Variants in HDAC9 observed in about 807,000 individuals in gnomAD.
The protein encoded by HDAC9 is histone deacetylase 9, also known as MEF-2 interacting transcription repressor (MITR) protein.
In HDAC9, 41 loss-of-function variants were observed where a neutral mutation model predicts 139.4. The observed-to-expected ratio is 0.29, with a 90% CI of 0.23 to 0.38. The LOEUF (loss-of-function observed/expected upper bound fraction) is 0.38. Among genes scored for constraint, HDAC9 ranks in the 10% least tolerant of loss-of-function variants. The pLI, the probability that HDAC9 is intolerant of heterozygous loss-of-function variation, is 1.00. For synonymous variants in HDAC9, 517 were observed against 476.2 expected, an observed-to-expected ratio of 1.09 and a Z score of -1.12; for missense variants, 1,147 against 1,297.0, an observed-to-expected ratio of 0.88 and a Z score of 1.78.
chr7:18,617,585 A>G (rs1490045359), intron 6 of HDAC9, among the ~76,000 whole-genome samples: 1 of 152,092 alleles, frequency 6.6e-6, no homozygotes, highest in Non-Finnish European at 1.5e-5. Context: ...CCACCAGGCC[A>G]CCCCAGATAG....
chr7:18,515,693 A>T (rs1174191402), intron 2 of HDAC9, among the ~76,000 whole-genome samples: 1 of 152,254 alleles, frequency 6.6e-6, no homozygotes, highest in African/African-American at 2.4e-5. Flanking sequence ...TAAAATAAAA[A>T]TACAATCCCT....
chr7:18,984,747 G>A (rs993555631), intron 25 of HDAC9, among the ~76,000 whole-genome samples: 2 of 152,180 alleles, frequency 1.3e-5, no homozygotes, highest in Non-Finnish European at 2.9e-5. Context: ...GGAAGACGTT[G>A]GTTGAAGGTG....
At chr7:18,556,320 T>A (rs927153629) in intron 2 of HDAC9, among the ~76,000 whole-genome samples, 2 of 152,066 alleles carry the variant, frequency 1.3e-5, no homozygotes, top group Non-Finnish European at 2.9e-5. Context: ...TTCCTTAATA[T>A]TACTTTTTAT....
At chr7:18,914,000 A>G (rs1002942596) in intron 22 of HDAC9, among the ~76,000 whole-genome samples, 1 of 152,078 alleles carries the variant, frequency 6.6e-6, no homozygotes, top group African/African-American at 2.4e-5. Flanking sequence ...TTAAAACCTT[A>G]TCACCAATGT....
intron 12 of HDAC9, among the ~76,000 whole-genome samples, chr7:18,699,088 G>T (rs1048577579): frequency 6.6e-6 from 1 of 152,114 alleles, no homozygotes; most frequent in South Asian, 2.1e-4. Flanking sequence ...TGATTCTGGG[G>T]TCTCAAATCC....
At chr7:18,491,834 C>T (rs1341782324), upstream of HDAC9, among the ~76,000 whole-genome samples, 1 of 151,860 alleles carries the variant, frequency 6.6e-6, no homozygotes, top group Non-Finnish European at 1.5e-5. Context: ...TGCCTGCTAA[C>T]ATTGAGGGGA....
At chr7:18,097,557 GATTATCTAT>G (rs2128066445) in intron 1 of HDAC9, among the ~76,000 whole-genome samples, 1 of 150,274 alleles carries the variant, frequency 6.7e-6, no homozygotes, top group South Asian at 2.1e-4. Flanking sequence ...TTTAAACTTG[GATTATCTAT>G]ATCATTATTA....
At chr7:18,120,084 A>T (rs148472567) in intron 1 of HDAC9, among the ~76,000 whole-genome samples, 1 of 152,318 alleles carries the variant, frequency 6.6e-6, no homozygotes, top group Non-Finnish European at 1.5e-5. Context: ...ACTGTCTAGT[A>T]AACATTTACT....
intron 13 of HDAC9, among the ~76,000 whole-genome samples, chr7:18,735,189 C>T (rs1256316885): frequency 6.6e-6 from 1 of 152,146 alleles, no homozygotes; most frequent in Admixed American, 6.5e-5. Flanking sequence ...TGTAGGTTGC[C>T]TGTTCACTCT....
rs1563229989 is a variant in HDAC9 at position 18,547,857 on chromosome 7, T to TTCCTTCCTTCCCTCCC, written c.23-37424_23-37423insTCCTTCCTTCCCTCCC. 2.0e-4 allele frequency among the ~76,000 whole-genome samples: 24 copies of TTCCTTCCTTCCCTCCC among 118,458 alleles called. 2 individuals carry two copies. Among genetic ancestry groups the TTCCTTCCTTCCCTCCC allele is most frequent in the African/African-American group, 9.1e-4 (23 of 25,352 alleles). The allele number at this position is 118,458 out of a possible 152,430, so 77.7% of individuals were successfully genotyped here. On this transcript the variant is annotated intron_variant, in intron 2 of 25. Transcript: ENST00000686413. ...CTTCCTTCCTTCCTTCCTTCCTTCC[T>TTCCTTCCTTCCCTCCC]ACCCTCCCTCCCTCCCTCCCTCCCT... is the stretch of plus-strand genomic sequence containing the variant.
intron 17 of HDAC9, among the ~76,000 whole-genome samples, chr7:18,821,968 G>C (rs892453835): frequency 4.6e-5 from 7 of 152,322 alleles, no homozygotes; most frequent in African/African-American, 1.7e-4. Flanking sequence ...TGCATGGGAA[G>C]AGGTATGGAG....
intron 6 of HDAC9, among the ~76,000 whole-genome samples, chr7:18,602,323 T>G (rs1009301156): frequency 2.0e-5 from 3 of 152,020 alleles, no homozygotes; most frequent in Non-Finnish European, 4.4e-5. Flanking sequence ...CTAATATTAG[T>G]TATTAGTTTC....
chr7:18,527,562 A>G (rs1731635626), intron 2 of HDAC9, among the ~76,000 whole-genome samples: 1 of 152,318 alleles, frequency 6.6e-6, no homozygotes, highest in East Asian at 1.9e-4. Context: ...CTAAATTAGC[A>G]TTCACAATAC....
chr7:18,422,431 C>T (rs1277908596), intron 1 of HDAC9, among the ~76,000 whole-genome samples: 1 of 152,076 alleles, frequency 6.6e-6, no homozygotes, highest in African/African-American at 2.4e-5. Flanking sequence ...ATGCATATGC[C>T]AATTACAAAT....
chr7:18,427,604 T>C (rs1437869288), intron 1 of HDAC9, among the ~76,000 whole-genome samples: 1 of 151,950 alleles, frequency 6.6e-6, no homozygotes, highest in Non-Finnish European at 1.5e-5. Context: ...TCTTGGATTA[T>C]TACAGTAACC....
chr7:18,775,355 TA>T (rs937779831), intron 16 of HDAC9, among the ~76,000 whole-genome samples: 2 of 152,026 alleles, frequency 1.3e-5, no homozygotes. Flanking sequence ...CTTCAATTTG[TA>T]AAAAATCAAA....
chr7:18,977,921 C>CACAG (rs1784650406), intron 25 of HDAC9, among the ~76,000 whole-genome samples: 1 of 36,932 alleles, frequency 2.7e-5, no homozygotes, highest in Non-Finnish European at 8.5e-5. Context: ...GACAGACAGA[C>CACAG]ACACACACAC....
intron 1 of HDAC9, among the ~76,000 whole-genome samples, chr7:18,093,331 C>T (rs1782289009): frequency 6.6e-6 from 1 of 152,120 alleles, no homozygotes; most frequent in Admixed American, 6.5e-5. Context: ...GTACACATCC[C>T]ATACTCACAA....
At chr7:18,809,550 T>C (rs910674597) in intron 17 of HDAC9, among the ~76,000 whole-genome samples, 2 of 151,936 alleles carry the variant, frequency 1.3e-5, no homozygotes, top group African/African-American at 4.8e-5. Flanking sequence ...TAAACATTTC[T>C]TAAAGAAGTT....
Sources: gnomAD v4.1 joint callset for allele counts (sites outside exome capture counted in the v4.1 genomes callset) on GRCh38, gnomAD v4.1.1 for gene constraint, MANE v1.5 for transcripts, NCBI Gene and HGNC (gene_info 2026-07-23, HGNC 2026-07-21) for gene names.